Variants in ABHD12 observed in about 807,000 individuals in gnomAD.
ABHD12 encodes the protein lysophosphatidylserine lipase ABHD12.
Under a neutral mutation model 58.3 loss-of-function variants are expected in ABHD12, and 43 were observed. That is an observed-to-expected ratio of 0.74 (90% confidence interval 0.58 to 0.95). ABHD12 has a LOEUF of 0.95. Ranked by LOEUF, ABHD12 falls within the 40% of genes least tolerant of loss-of-function variation. The pLI, the probability that ABHD12 is intolerant of heterozygous loss-of-function variation, is 0.00. For missense variants in ABHD12, 539 were observed against 537.2 expected, an observed-to-expected ratio of 1.00 and a Z score of -0.03; for synonymous variants, 219 against 211.2, an observed-to-expected ratio of 1.04 and a Z score of -0.32.
intron 2 of ABHD12, among the ~76,000 whole-genome samples, chr20:25,329,445 T>G (rs2089231621): frequency 6.7e-6 from 1 of 149,106 alleles, no homozygotes; most frequent in Non-Finnish European, 1.5e-5. Flanking sequence ...ACCCCCCAGT[T>G]TTCATTGTCC....
chr20:25,302,057 C>T (rs2088645047), intron 12 of ABHD12, among the ~76,000 whole-genome samples, 162 bp downstream of exon 12: 1 of 152,150 alleles, frequency 6.6e-6, no homozygotes, highest in Admixed American at 6.5e-5. Context: ...AGAGGCACTC[C>T]CTCAAACCCC....
At position 25,390,789 on chromosome 20, in the gene ABHD12, C is replaced by G. The variant is rs1381511743; in HGVS notation, c.-86G>C. 9.4e-6 allele frequency: 9 copies of G among 953,742 alleles called. No individual in the cohort carries two copies. The African/African-American group carries it at 1.4e-4, about 15-fold the overall frequency. 59.1% of individuals were successfully genotyped at this position (953,742 alleles called of 1,614,324 possible). A position where few individuals can be genotyped will look rare whatever the true frequency, so the allele number is the denominator to read the frequency against. On this transcript the variant is annotated 5_prime_UTR_variant, in exon 1 of 13. Transcript: ENST00000339157. ...CTCACAGCCGCCGCCACCCAGAGCC[C>G]GGAGCCCGGAACCCGCCGCTCCTCA...
chr20:25,380,887 CA>C (rs1324693230), intron 1 of ABHD12, among the ~76,000 whole-genome samples: 1 of 152,202 alleles, frequency 6.6e-6, no homozygotes, highest in Non-Finnish European at 1.5e-5. Context: ...TGTCCAAAAC[CA>C]AACATTACTT....
intron 1 of ABHD12, among the ~76,000 whole-genome samples, chr20:25,375,628 G>A (rs2089952878): frequency 6.6e-6 from 1 of 152,146 alleles, no homozygotes; most frequent in African/African-American, 2.4e-5. Flanking sequence ...GCTCTCTCAA[G>A]GAGATCAGCT....
intron 5 of ABHD12, among the ~76,000 whole-genome samples, chr20:25,316,183 G>A (rs1014831033): frequency 2.7e-4 from 41 of 151,638 alleles, no homozygotes; most frequent in African/African-American, 7.3e-5. Flanking sequence ...TTTTTGAGAC[G>A]GAGTCTTGCT....
At chr20:25,381,560 T>C (rs2090021985) in intron 1 of ABHD12, among the ~76,000 whole-genome samples, 1 of 151,998 alleles carries the variant, frequency 6.6e-6, no homozygotes, top group Non-Finnish European at 1.5e-5. Flanking sequence ...TCTTAATTGT[T>C]TGGGGCAGAA....
At position 25,390,612 on chromosome 20, in the gene ABHD12, TCCAGCGCCGCGGCGG is replaced by T. The variant is rs2090162671; in HGVS notation, c.77_91del (p.Ala26_Leu30del). 6.8e-7 allele frequency: 1 copy of T among 1,464,482 alleles called. No homozygotes were observed. Among genetic ancestry groups the T allele is most frequent in the East Asian group, 3.1e-5 (1 of 32,400 alleles). The allele number at this position is 1,464,482 out of a possible 1,614,324, so 90.7% of individuals were successfully genotyped here. The stretch of plus-strand genomic sequence containing the variant: ...GTTCTGCTTCAGGCGGCAGTCGGCG[TCCAGCGCCGCGGCGG>T]CCGAGCCGGAGGAGGACGAGCCCGC... On this transcript the variant is annotated inframe_deletion, in exon 1 of 13. Transcript: ENST00000339157.
rs118100220 is a variant in ABHD12 at position 25,343,575 on chromosome 20, C to T, written c.192-4224G>A. Among the ~76,000 whole-genome samples, 1,250 of 152,254 alleles carry T rather than the reference C, an allele frequency of 8.2e-3. 10 individuals are homozygous for T. Among genetic ancestry groups the T allele is most frequent in the Middle Eastern group, 0.034 (10 of 294 alleles). ...ATTCCAGCACTTTGGGAGGCCAAGA[C>T]GGGTGGATGACCTAAGGTCAGGAGT... On this transcript the variant is annotated intron_variant, in intron 1 of 12. Coordinates refer to ENST00000339157, the MANE Select transcript of ABHD12 (RefSeq NM_001042472.3).
In ABHD12 at chr20:25,294,947, A is replaced by G. The variant is rs922043516; in HGVS notation, c.*26T>C. 6.2e-6 allele frequency: 10 copies of G among 1,613,738 alleles called. No homozygotes were observed. The African/African-American group carries it at 1.2e-4, about 19-fold the overall frequency. On this transcript the variant is annotated 3_prime_UTR_variant, in exon 13 of 13. Coordinates refer to the ABHD12 transcript ENST00000376542. ...TTTTAGTTTTGTCTGCTGCTCTTCG[A>G]TGACCGTGTCACCTGTTGGCTTCAG...
In ABHD12 at chr20:25,309,526, G is replaced by A. The variant is rs758277786; in HGVS notation, c.669C>T (p.Asp223=). The A allele has an allele frequency of 2.2e-5, 36 of 1,614,094 alleles. No homozygotes were observed. The highest frequency in any genetic ancestry group is 6.7e-5 in the African/African-American group (5 of 74,948). The part of the protein sequence containing the change: ...GTPSERGMTY[D]ALHVFDWIKA... Reference sequence around the variant, plus strand: ...TGATCCAGTCAAAAACGTGGAGTGCGTCATAGGTCATGCCCCGCTCAGATG... The same window carrying A: ...TGATCCAGTCAAAAACGTGGAGTGCATCATAGGTCATGCCCCGCTCAGATG... The change falls in exon 7 of 13, where the codon GAC becomes GAT. Residue 223 remains aspartate (D), a synonymous_variant. Coordinates refer to ENST00000339157, the MANE Select transcript of ABHD12 (RefSeq NM_001042472.3).
In ABHD12 at chr20:25,307,970, GA is replaced by G; in HGVS notation, c.862del (p.Ser288GlnfsTer2). On this transcript the variant is annotated frameshift_variant, in exon 9 of 13. Coordinates refer to ENST00000339157, the MANE Select transcript of ABHD12 (RefSeq NM_001042472.3). LOFTEE classifies it high-confidence loss of function. ...IREEAKSHPF[S>X]VIYRYFPGFD... Reference sequence around the variant, plus strand: ...TTTAATAAAATCTGTACTTGCCACTGAAAATGGATGGCTCTTAGCTTCTTCG... The same window carrying G: ...TTTAATAAAATCTGTACTTGCCACTGAAATGGATGGCTCTTAGCTTCTTCG... 1 of 1,592,006 alleles carries G rather than the reference GA, an allele frequency of 6.3e-7. No homozygotes were observed. Among genetic ancestry groups the G allele is most frequent in the Non-Finnish European group, 8.6e-7 (1 of 1,160,022 alleles).
chr20:25,387,750 A>T (rs1208439483), intron 1 of ABHD12, among the ~76,000 whole-genome samples: 1 of 151,856 alleles, frequency 6.6e-6, no homozygotes. Context: ...AAATTGTTTA[A>T]AAATATTCCA....
intron 1 of ABHD12, among the ~76,000 whole-genome samples, chr20:25,351,976 C>T (rs375446161): frequency 1.2e-4 from 19 of 152,124 alleles, no homozygotes; most frequent in Non-Finnish European, 2.4e-4. Flanking sequence ...TAAACAACCA[C>T]ATTTGATTAT....
intron 9 of ABHD12, 103 bp downstream of exon 9, chr20:25,307,862 TA>T: frequency 4.0e-6 from 2 of 496,184 alleles, no homozygotes; most frequent in Non-Finnish European, 6.6e-6. Flanking sequence ...TTAGAATATT[TA>T]AATAACAATT....
At chr20:25,370,567 A>G (rs1287751662) in intron 1 of ABHD12, among the ~76,000 whole-genome samples, 1 of 152,196 alleles carries the variant, frequency 6.6e-6, no homozygotes, top group African/African-American at 2.4e-5. Context: ...GTCAGGATGT[A>G]TAAGAGAGAC....
At chr20:25,390,440 C>G (rs571074138) in intron 1 of ABHD12, 73 bp downstream of exon 1, 2 of 1,319,216 alleles carry the variant, frequency 1.5e-6, no homozygotes, top group Non-Finnish European at 1.9e-6. Context: ...GGTACCGCGG[C>G]CCCCTGCGGG....
intron 1 of ABHD12, among the ~76,000 whole-genome samples, chr20:25,375,166 G>A (rs1283208141): frequency 2.6e-5 from 4 of 152,150 alleles, no homozygotes; most frequent in African/African-American, 9.7e-5. Context: ...AAAGCAGAGG[G>A]GCCTCATGAG....
chr20:25,299,453 TCAGTCCCCCAGCCA>T (rs1269526481), downstream of ABHD12, among the ~76,000 whole-genome samples: 1 of 150,928 alleles, frequency 6.6e-6, no homozygotes. Context: ...CTATCTTGCC[TCAGTCCCCCAGCCA>T]AGTATCCCAA....
At chr20:25,317,848 C>A (rs913847275) in intron 4 of ABHD12, among the ~76,000 whole-genome samples, 3 of 152,194 alleles carry the variant, frequency 2.0e-5, no homozygotes, top group Non-Finnish European at 4.4e-5. Flanking sequence ...CCTGGACCGA[C>A]CCCACAGCAG....
Sources: gnomAD v4.1 joint callset for allele counts (sites outside exome capture counted in the v4.1 genomes callset) on GRCh38, gnomAD v4.1.1 for gene constraint, MANE v1.5 for transcripts, NCBI Gene and HGNC (gene_info 2026-07-23, HGNC 2026-07-21) for gene names.